TMEM94: variants seen among roughly 807,000 people sequenced by gnomAD.
TMEM94 encodes the protein ER Mg2+ ATPase.
Under a neutral mutation model 158.6 loss-of-function variants are expected in TMEM94, and 81 were observed. That is an observed-to-expected ratio of 0.51 (90% CI 0.43 to 0.61). The LOEUF is 0.61. Among genes scored for constraint, TMEM94 ranks in the 20% least tolerant of loss-of-function variants. The pLI, the probability that TMEM94 is intolerant of heterozygous loss-of-function variation, is 0.00. For synonymous variants in TMEM94, 751 were observed against 730.7 expected, an observed-to-expected ratio of 1.03 and a Z score of -0.45; for missense variants, 1,435 against 1,762.0, an observed-to-expected ratio of 0.81 and a Z score of 3.32.
At chr17:75,461,995 TGTTTTGTTTTG>T (rs2050088112) in intron 1 of TMEM94, among the ~76,000 whole-genome samples, 3 of 77,450 alleles carry the variant, frequency 3.9e-5, no homozygotes, top group African/African-American at 1.1e-4. Flanking sequence ...CAGTTTTTTT[TGTTTTGTTTTG>T]TTTTGTTTTT....
At position 75,489,274 on chromosome 17, in the gene TMEM94, T is replaced by C; in HGVS notation, c.773T>C (p.Leu258Pro). The C allele has an allele frequency of 6.2e-7, 1 of 1,614,126 alleles. No homozygotes were observed. Among genetic ancestry groups the C allele is most frequent in the Non-Finnish European group, 8.5e-7 (1 of 1,179,956 alleles). ...TPVIDNIRWC[L>P]DMALSRPVTA... The stretch of plus-strand genomic sequence containing the variant: ...GTCACTTCTTTCTGCAGATGGTGCC[T>C]GGACATGGCCCTGTCCCGACCAGTC... The change falls in exon 8 of 32, where the codon CTG becomes CCG. Residue 258 changes from leucine (L) to proline (P), a missense_variant. By Grantham distance (98) the Leu-to-Pro change is moderately conservative. Coordinates refer to ENST00000314256, the MANE Select transcript of TMEM94 (RefSeq NM_014738.6). This position sits in a 1 kb window ranked among gnomAD's most constrained non-coding sequence, Gnocchi z 5.0.
In TMEM94 at chr17:75,495,229, G is replaced by A; in HGVS notation, c.2729-55G>A. 6.8e-7 allele frequency: 1 copy of A among 1,475,160 alleles called. No homozygotes were observed. The highest frequency in any genetic ancestry group is 9.3e-7 in the Non-Finnish European group (1 of 1,077,978). The allele number at this position is 1,475,160 out of a possible 1,614,324, so 91.4% of individuals were successfully genotyped here. On this transcript the variant is annotated intron_variant, in intron 20 of 31. Transcript: ENST00000314256. The surrounding 1 kb of genome is among the most constrained non-coding windows in gnomAD (Gnocchi z 5.6). ...GGCAAAAAATTCTCTGCAGGGCAAG[G>A]ACAGGTTCCCAGAAGGCTGGTCCCA...
chr17:75,499,240 C>T (rs776394955), intron 31 of TMEM94, 22 bp from the exon 32 acceptor site: 16 of 1,613,286 alleles, frequency 9.9e-6, no homozygotes, highest in Middle Eastern at 1.7e-4. Flanking sequence ...CCAACCTGTA[C>T]TTTAATCTCC....
chr17:75,499,160 CA>C (rs931216381), intron 31 of TMEM94, 78 bp downstream of exon 31: 2 of 1,586,860 alleles, frequency 1.3e-6, no homozygotes, highest in Non-Finnish European at 1.7e-6. Context: ...GACACTCCCC[CA>C]CCTTTCCGCT....
At chr17:75,490,184 TC>T in intron 9 of TMEM94, 49 bp from the exon 10 acceptor site, 1 of 1,597,192 alleles carries the variant, frequency 6.3e-7, no homozygotes. Context: ...CCTTCCCTCC[TC>T]CCCAGGCCCG....
In TMEM94 at chr17:75,486,382, G is replaced by C. The variant is rs143448418; in HGVS notation, c.365G>C (p.Arg122Pro). 2 of 1,614,078 alleles carry C rather than the reference G, an allele frequency of 1.2e-6. No homozygotes were observed. The highest frequency in any genetic ancestry group is 1.7e-6 in the Non-Finnish European group (2 of 1,180,034). The change falls in exon 5 of 32, where the codon CGG becomes CCG. Residue 122 changes from arginine to proline, a missense_variant. Transcript: ENST00000314256. ...GGGCGGCAAGACCGGCTGAAGCGTC[G>C]GGAGGTAGAGCGGAGGCTGCGAGGG... ...LIGRQDRLKR[R>P]EVERRLRGII...
chr17:75,468,437 C>T (rs372493649), intron 1 of TMEM94, among the ~76,000 whole-genome samples: 4 of 152,234 alleles, frequency 2.6e-5, no homozygotes, highest in African/African-American at 9.6e-5. Flanking sequence ...CGATCTCATC[C>T]AGCCCCTGCT....
chr17:75,484,476 A>G (rs950831574), intron 2 of TMEM94, among the ~76,000 whole-genome samples: 6 of 151,804 alleles, frequency 4.0e-5, no homozygotes, highest in African/African-American at 1.5e-4. Context: ...ACAGCTCACT[A>G]CGACCTTGAC....
intron 1 of TMEM94, among the ~76,000 whole-genome samples, chr17:75,460,634 C>T (rs982375138): frequency 6.6e-6 from 1 of 151,504 alleles, no homozygotes; most frequent in Admixed American, 6.6e-5. Context: ...CCACCTTACC[C>T]CCTGAGTAGC....
Position 75,485,974 on chromosome 17 carries a change from G to A in TMEM94, c.248G>A (p.Cys83Tyr). The A allele has an allele frequency of 6.2e-7, 1 of 1,612,344 alleles. No homozygotes were observed. The highest frequency in any genetic ancestry group is 8.5e-7 in the Non-Finnish European group (1 of 1,179,552). Residue 83 changes from cysteine to tyrosine, a missense_variant, in exon 4 of 32, where the codon TGC (cysteine) becomes TAC (tyrosine). By Grantham distance (194) the Cys-to-Tyr change is radical (BLOSUM62 -2). Coordinates refer to ENST00000314256, the MANE Select transcript of TMEM94 (RefSeq NM_014738.6). The surrounding 1 kb of genome is among the most constrained non-coding windows in gnomAD (Gnocchi z 5.5). ...CTGGCCGTGCTGCTGCTGCTGGGCT[G>A]CTGCGGGGGACAGCCAGCCGGGAGG... ...MLLAVLLLLG[C>Y]CGGQPAGSRG...
In TMEM94 at chr17:75,498,734, T is replaced by TAGG; in HGVS notation, c.3827+14_3827+16dup. ...ACAGTGCCTGTGGTGTGAGTATTGCTAGGATGGAGGGCGGAGTGTGGGCTG... is the reference window on the plus strand; with the variant it reads ...ACAGTGCCTGTGGTGTGAGTATTGCTAGGAGGATGGAGGGCGGAGTGTGGGCTG... On this transcript the variant is annotated intron_variant, in intron 30 of 31. Coordinates refer to ENST00000314256, the MANE Select transcript of TMEM94 (RefSeq NM_014738.6). The surrounding 1 kb of genome is among the most constrained non-coding windows in gnomAD (Gnocchi z 6.7). 6.5e-7 allele frequency: 1 copy of TAGG among 1,545,732 alleles called. No individual in the cohort carries two copies. Among genetic ancestry groups the TAGG allele is most frequent in the Non-Finnish European group, 8.7e-7 (1 of 1,144,404 alleles).
rs976627592 is a variant in TMEM94, at chr17:75,495,829, C to G, written c.2945-137C>G. 3.8e-6 allele frequency: 3 copies of G among 798,394 alleles called. No individual in the cohort carries two copies. Among genetic ancestry groups the G allele is most frequent in the Non-Finnish European group, 2.1e-6 (1 of 487,432 alleles). 49.5% of individuals were successfully genotyped at this position (798,394 alleles called of 1,614,324 possible). ...AGAAGTGCCGATGTTCACATGATCC[C>G]GCTGCCGGGGGTGGGATTGTTTCAA... On this transcript the variant is annotated intron_variant, in intron 22 of 31. Transcript: ENST00000314256. The surrounding 1 kb of genome is among the most constrained non-coding windows in gnomAD (Gnocchi z 5.6).
chr17:75,459,449 T>C (rs1024709952), intron 1 of TMEM94, among the ~76,000 whole-genome samples: 1 of 152,200 alleles, frequency 6.6e-6, no homozygotes, highest in African/African-American at 2.4e-5. Flanking sequence ...TTTTGAGAAG[T>C]TGCTAGGTGT....
Position 75,492,256 on chromosome 17 carries a change from A to G in TMEM94, c.1597-218A>G. The G allele has an allele frequency of 7.0e-7, 1 of 1,422,806 alleles. No homozygotes were observed. Among genetic ancestry groups the G allele is most frequent in the Non-Finnish European group, 9.1e-7 (1 of 1,094,220 alleles). 88.1% of individuals were successfully genotyped at this position (1,422,806 alleles called of 1,614,324 possible). A position where few individuals can be genotyped will look rare whatever the true frequency, so the allele number is the denominator to read the frequency against. On this transcript the variant is annotated intron_variant, in intron 14 of 31. Coordinates refer to ENST00000314256, the MANE Select transcript of TMEM94 (RefSeq NM_014738.6). This position sits in a 1 kb window ranked among gnomAD's most constrained non-coding sequence, Gnocchi z 4.4. ...CTTTTTAGCTCCTGCCAGTGTCATG[A>G]GATATATTAATAGTCCATAGAAGCA...
At position 75,498,607 on chromosome 17, in the gene TMEM94, C is replaced by T. The variant is rs766033498; in HGVS notation, c.3734-22C>T. 2.5e-6 allele frequency: 4 copies of T among 1,612,580 alleles called. No individual in the cohort carries two copies. Among genetic ancestry groups the T allele is most frequent in the Non-Finnish European group, 3.4e-6 (4 of 1,179,368 alleles). On this transcript the variant is annotated intron_variant, in intron 29 of 31. Coordinates refer to ENST00000314256, the MANE Select transcript of TMEM94 (RefSeq NM_014738.6). This position sits in a 1 kb window ranked among gnomAD's most constrained non-coding sequence, Gnocchi z 6.7. ...AGCCCCACTGTGGAAGTCTGACCCC[C>T]ACATCGCCCCACCTTCCCCAGTCTT...
intron 1 of TMEM94, among the ~76,000 whole-genome samples, chr17:75,461,306 G>A (rs1489101596): frequency 6.6e-5 from 10 of 151,296 alleles, no homozygotes; most frequent in Admixed American, 6.6e-4. Flanking sequence ...CGCCATGTTG[G>A]CCATGCTGAT....
In TMEM94 at chr17:75,495,098, C is replaced by T. The variant is rs190123140; in HGVS notation, c.2728+64C>T. ...GGGAGGATTCCCCTCCTCAGAGCCA[C>T]AGCCAGGAAGAGCCTCCGGAGAGCC... On this transcript the variant is annotated intron_variant, in intron 20 of 31. Coordinates refer to ENST00000314256, the MANE Select transcript of TMEM94 (RefSeq NM_014738.6). This position sits in a 1 kb window ranked among gnomAD's most constrained non-coding sequence, Gnocchi z 5.6. The T allele has an allele frequency of 5.7e-6, 9 of 1,585,666 alleles. No individual in the cohort carries two copies. The highest frequency in any genetic ancestry group is 2.7e-5 in the African/African-American group (2 of 74,402).
In TMEM94 at chr17:75,498,408, C is replaced by T. The variant is rs1278427386; in HGVS notation, c.3639-36C>T. On this transcript the variant is annotated intron_variant, in intron 28 of 31. Coordinates refer to ENST00000314256, the MANE Select transcript of TMEM94 (RefSeq NM_014738.6). The surrounding 1 kb of genome is among the most constrained non-coding windows in gnomAD (Gnocchi z 6.7). ...CCCACCCCAGCCTACCTCCCTGCGG[C>T]CCTAGAGGGGCTGAGCCCATGCCTC... is the stretch of plus-strand genomic sequence containing the variant. 3 of 1,606,618 alleles carry T rather than the reference C, an allele frequency of 1.9e-6. No homozygotes were observed. Among genetic ancestry groups the T allele is most frequent in the South Asian group, 2.2e-5 (2 of 90,170 alleles).
At chr17:75,460,427 C>G (rs1223674427) in intron 1 of TMEM94, among the ~76,000 whole-genome samples, 1 of 151,990 alleles carries the variant, frequency 6.6e-6, no homozygotes, top group Non-Finnish European at 1.5e-5. Flanking sequence ...GAGCGTAAAC[C>G]TTCATTATGT....
Sources: allele counts gnomAD v4.1 joint callset (sites outside exome capture counted in the v4.1 genomes callset), GRCh38; gene constraint gnomAD v4.1.1; non-coding constraint Gnocchi (gnomAD v3.1); transcripts MANE v1.5; gene names NCBI Gene and HGNC (gene_info 2026-07-23, HGNC 2026-07-21).